ADAMTS16: variants seen among roughly 807,000 people sequenced by gnomAD.
ADAMTS16 encodes A disintegrin and metalloproteinase with thrombospondin motifs 16.
A neutral mutation model predicts 145.8 loss-of-function variants in ADAMTS16; 94 were observed. That is an observed-to-expected ratio of 0.64 (90% CI 0.55 to 0.77). The LOEUF (loss-of-function observed/expected upper bound fraction) is 0.77, where lower values mean the gene tolerates loss of function less well. ADAMTS16 is among the 30% of genes least tolerant of loss of function. ADAMTS16 has a pLI of 0.00. For missense variants in ADAMTS16, 1,585 were observed against 1,591.5 expected (o/e 1.00, Z 0.07); for synonymous variants, 659 against 604.3 (o/e 1.09, Z -1.33).
At chr5:5,228,924 T>TTCTAA (rs1407428775) in intron 11 of ADAMTS16, among the ~76,000 whole-genome samples, 2 of 152,248 alleles carry the variant, frequency 1.3e-5, no homozygotes, top group Non-Finnish European at 2.9e-5. Context: ...CTTCCTTATT[T>TTCTAA]GAAGGTGTTT....
intron 3 of ADAMTS16, among the ~76,000 whole-genome samples, chr5:5,169,264 C>T (rs765387771): frequency 3.3e-5 from 5 of 152,220 alleles, no homozygotes; most frequent in South Asian, 2.1e-4. Flanking sequence ...CTTGTTTCAA[C>T]GTAGAAGGAA....
chr5:5,200,094 T>C, intron 8 of ADAMTS16, 38 bp from the exon 9 acceptor site: 2 of 1,538,028 alleles, frequency 1.3e-6, no homozygotes, highest in Non-Finnish European at 1.7e-6. Flanking sequence ...ACTGTTTTTG[T>C]TCTGAAAGAA....
rs750307948 is a variant in ADAMTS16, at chr5:5,319,679, C to T, written c.*541C>T. The T allele has an allele frequency of 2.3e-5, 8 of 352,780 alleles. No homozygotes were observed. The highest frequency in any genetic ancestry group is 4.4e-5 in the African/African-American group (2 of 45,936). The allele number at this position is 352,780 out of a possible 1,614,324, so 21.9% of individuals were successfully genotyped here. ...CCAGGCTCCTCCTCCTCCTCCCCAGCGGCCGAGCATCTCTTACCAGGAACC... is the reference window on the plus strand; with the variant it reads ...CCAGGCTCCTCCTCCTCCTCCCCAGTGGCCGAGCATCTCTTACCAGGAACC... On this transcript the variant is annotated 3_prime_UTR_variant, in exon 23 of 23. Coordinates refer to ENST00000274181, the MANE Select transcript of ADAMTS16 (RefSeq NM_139056.4).
At chr5:5,298,941 C>T (rs567873700) in intron 18 of ADAMTS16, among the ~76,000 whole-genome samples, 30 of 152,036 alleles carry the variant, frequency 2.0e-4, no homozygotes, top group Admixed American at 1.9e-3. Context: ...CAGCAGCTTG[C>T]GGAAGTCAGG....
intron 10 of ADAMTS16, among the ~76,000 whole-genome samples, chr5:5,218,921 C>T (rs1358255118): frequency 6.6e-6 from 1 of 152,182 alleles, no homozygotes; most frequent in Non-Finnish European, 1.5e-5. Context: ...CTGGTCTGTT[C>T]CTCTGCTTCT....
At chr5:5,293,315 C>A (rs1739403032) in intron 18 of ADAMTS16, among the ~76,000 whole-genome samples, 1 of 152,160 alleles carries the variant, frequency 6.6e-6, no homozygotes, top group Non-Finnish European at 1.5e-5. Context: ...TTCCCTCATG[C>A]AAGTCCTTTG....
chr5:5,212,966 T>G (rs1736318272), intron 10 of ADAMTS16, among the ~76,000 whole-genome samples: 2 of 152,244 alleles, frequency 1.3e-5, no homozygotes, highest in South Asian at 2.1e-4. Flanking sequence ...TGATAGTGGT[T>G]GCTTTAGAGA....
At chr5:5,227,455 T>C (rs373632685) in intron 11 of ADAMTS16, among the ~76,000 whole-genome samples, 116 of 152,182 alleles carry the variant, frequency 7.6e-4, no homozygotes, top group African/African-American at 2.8e-3. Context: ...TTCTTAATTT[T>C]GACCTGATGG....
intron 3 of ADAMTS16, among the ~76,000 whole-genome samples, chr5:5,151,210 TTTC>T (rs1462557198): frequency 2.9e-5 from 4 of 138,498 alleles, no homozygotes; most frequent in Non-Finnish European, 6.4e-5. Context: ...CTTTATTTCT[TTTC>T]TCTTATTTAT....
chr5:5,164,899 A>T (rs932026737), intron 3 of ADAMTS16, among the ~76,000 whole-genome samples: 1 of 151,910 alleles, frequency 6.6e-6, no homozygotes, highest in African/African-American at 2.4e-5. Flanking sequence ...GATGGTCTCG[A>T]TCTCCTGACC....
At chr5:5,198,085 T>C (rs1735855366) in intron 8 of ADAMTS16, among the ~76,000 whole-genome samples, 1 of 152,168 alleles carries the variant, frequency 6.6e-6, no homozygotes, top group African/African-American at 2.4e-5. Flanking sequence ...ACTTGGGACA[T>C]TGTGGACTTT....
At chr5:5,207,091 T>C (rs1736147904) in intron 9 of ADAMTS16, among the ~76,000 whole-genome samples, 1 of 152,222 alleles carries the variant, frequency 6.6e-6, no homozygotes, top group Admixed American at 6.5e-5. Flanking sequence ...CAAAATAACT[T>C]CCTTTAGTTT....
Position 5,209,266 on chromosome 5 carries a change from T to G in ADAMTS16, c.1605+20T>G, listed in dbSNP as rs554753503. Reference sequence around the variant, plus strand: ...AAAAAGGCAAGTGATTATTGGCACATGCTCAATGCAACATGATTCATAAGA... The same window carrying G: ...AAAAAGGCAAGTGATTATTGGCACAGGCTCAATGCAACATGATTCATAAGA... On this transcript the variant is annotated intron_variant, in intron 10 of 22. Transcript: ENST00000274181. 6.2e-7 allele frequency: 1 copy of G among 1,612,338 alleles called. No homozygotes were observed. Among genetic ancestry groups the G allele is most frequent in the African/African-American group, 1.3e-5 (1 of 74,902 alleles).
intron 17 of ADAMTS16, among the ~76,000 whole-genome samples, chr5:5,250,250 A>G (rs1737580584): frequency 1.3e-5 from 2 of 152,184 alleles, no homozygotes; most frequent in Non-Finnish European, 2.9e-5. Context: ...TCCTGTTCAT[A>G]TCAAATAGAC....
rs891501690 is a variant in ADAMTS16 at position 5,164,127 on chromosome 5, T to C, written c.501+17672T>C. Among the ~76,000 whole-genome samples, 8 of 152,186 alleles carry C rather than the reference T, an allele frequency of 5.3e-5. 1 individual carries two copies. Among genetic ancestry groups the C allele is most frequent in the African/African-American group, 1.9e-4 (8 of 41,450 alleles). ...GATATGCAGAAGGCGGCAAACTCCA[T>C]AGGTAACCTTCAACCTATCAGTCCC... is the stretch of plus-strand genomic sequence containing the variant. On this transcript the variant is annotated intron_variant, in intron 3 of 22. Transcript: ENST00000274181.
chr5:5,143,455 C>CA lies in ADAMTS16; in HGVS notation c.176-2673dup. Among the ~76,000 whole-genome samples, 4 of 152,268 alleles carry CA rather than the reference C, an allele frequency of 2.6e-5. No individual in the cohort carries two copies. The Middle Eastern group carries it at 0.01, about 388-fold the overall frequency. Reference sequence around the variant, plus strand: ...TACCATCTCACGCCATTTAGAATGGCAATCTTTAAAAAGTCAGAAAACAAC... The same window carrying CA: ...TACCATCTCACGCCATTTAGAATGGCAAATCTTTAAAAAGTCAGAAAACAAC... On this transcript the variant is annotated intron_variant, in intron 2 of 22. Transcript: ENST00000274181.
intron 13 of ADAMTS16, 130 bp downstream of exon 13, chr5:5,235,316 C>T (rs1485629203): frequency 4.0e-6 from 4 of 1,002,726 alleles, no homozygotes; most frequent in Non-Finnish European, 5.3e-6. Flanking sequence ...GTCGCATATT[C>T]TCTTCTGGAG....
intron 17 of ADAMTS16, among the ~76,000 whole-genome samples, chr5:5,259,763 C>G (rs781214518): frequency 6.6e-6 from 1 of 152,204 alleles, no homozygotes; most frequent in Non-Finnish European, 1.5e-5. Flanking sequence ...CTGCAGCTTT[C>G]TTGTTAGGAA....
At chr5:5,167,636 A>G (rs1442782426) in intron 3 of ADAMTS16, among the ~76,000 whole-genome samples, 1 of 152,216 alleles carries the variant, frequency 6.6e-6, no homozygotes, top group Non-Finnish European at 1.5e-5. Context: ...TAACTGGGCT[A>G]TGTGTGCTAC....
Sources: allele counts gnomAD v4.1 joint callset (sites outside exome capture counted in the v4.1 genomes callset), GRCh38; gene constraint gnomAD v4.1.1; transcripts MANE v1.5; gene names NCBI Gene and HGNC (gene_info 2026-07-23, HGNC 2026-07-21).